Variants in SDCCAG8 observed in about 807,000 individuals in gnomAD.
The protein encoded by SDCCAG8 is SHH signaling and ciliogenesis regulator SDCCAG8, also known as serologically defined colon cancer antigen 8.
A neutral mutation model predicts 101.8 loss-of-function variants in SDCCAG8; 74 were observed. The observed-to-expected ratio is 0.73, with a 90% CI of 0.60 to 0.88. The LOEUF (loss-of-function observed/expected upper bound fraction) is 0.88. Ranked by LOEUF, SDCCAG8 falls within the 40% of genes least tolerant of loss-of-function variation. SDCCAG8 has a pLI of 0.00. For missense variants in SDCCAG8, 787 were observed against 822.6 expected (o/e 0.96, Z 0.53); for synonymous variants, 281 against 292.9 (o/e 0.96, Z 0.41).
In SDCCAG8 at chr1:243,496,431, AG is replaced by A. The variant is rs1242932067; in HGVS notation, c.2113-3321del. Among the ~76,000 whole-genome samples the A allele has an allele frequency of 2.0e-5, 3 of 152,144 alleles. No homozygotes were observed. In the East Asian group the frequency reaches 5.8e-4, roughly 29 times the overall value. The stretch of plus-strand genomic sequence containing the variant: ...AAATGCCCCAGATGGAGGTAGGGGG[AG>A]GGGCCTGCCCTCTCCAGTTACAAAT... On this transcript the variant is annotated intron_variant, in intron 17 of 17. Coordinates refer to ENST00000366541, the MANE Select transcript of SDCCAG8 (RefSeq NM_006642.5).
intron 8 of SDCCAG8, among the ~76,000 whole-genome samples, chr1:243,308,866 T>C (rs1558271491): frequency 6.6e-6 from 1 of 152,224 alleles, no homozygotes; most frequent in Non-Finnish European, 1.5e-5. Context: ...CAGTTTATAG[T>C]GTATGTTCTT....
chr1:243,489,106 G>A lies in SDCCAG8; in HGVS notation c.2078G>A (p.Ser693Asn), dbSNP rs1205844381. Reference protein sequence around the residue: ...KQNQLLLERQSLSEEVDRLRT... With the variant: ...KQNQLLLERQNLSEEVDRLRT... The stretch of plus-strand genomic sequence containing the variant: ...AACCAGCTTCTCCTGGAGAGGCAGA[G>A]CCTGTCGGAAGAGGTGGACCGGCTG... Residue 693 changes from serine (S) to asparagine (N), a missense_variant, in exon 17 of 18, where the codon AGC becomes AAC. Coordinates refer to ENST00000366541, the MANE Select transcript of SDCCAG8 (RefSeq NM_006642.5). The A allele has an allele frequency of 6.2e-7, 1 of 1,613,010 alleles. No individual in the cohort carries two copies. The highest frequency in any genetic ancestry group is 1.3e-5 in the African/African-American group (1 of 74,950).
At chr1:243,295,566 T>G (rs564084661) in intron 6 of SDCCAG8, among the ~76,000 whole-genome samples, 1 of 152,314 alleles carries the variant, frequency 6.6e-6, no homozygotes, top group African/African-American at 2.4e-5. Context: ...TTACAAATCT[T>G]ATCTGTAGGC....
intron 16 of SDCCAG8, among the ~76,000 whole-genome samples, chr1:243,443,621 C>T (rs1267951755): frequency 4.6e-5 from 7 of 152,124 alleles, no homozygotes; most frequent in Admixed American, 3.9e-4. Flanking sequence ...CTGGTATTGT[C>T]GGTCAGGAAA....
chr1:243,297,802 T>G (rs921045668), intron 6 of SDCCAG8, among the ~76,000 whole-genome samples: 2 of 152,180 alleles, frequency 1.3e-5, no homozygotes, highest in African/African-American at 4.8e-5. Flanking sequence ...CATATTTATT[T>G]GGGGAGTTCT....
intron 13 of SDCCAG8, among the ~76,000 whole-genome samples, chr1:243,414,101 A>G (rs531921631): frequency 2.6e-5 from 4 of 152,358 alleles, no homozygotes; most frequent in African/African-American, 7.2e-5. Flanking sequence ...AACAATAACT[A>G]AAGTGTGATA....
intron 16 of SDCCAG8, among the ~76,000 whole-genome samples, chr1:243,427,491 C>T (rs1350883846): frequency 1.3e-5 from 2 of 152,178 alleles, no homozygotes; most frequent in East Asian, 1.9e-4. Context: ...ACATGACAAC[C>T]GCATGCACGA....
At chr1:243,424,391 T>C (rs541613579) in intron 15 of SDCCAG8, among the ~76,000 whole-genome samples, 1 of 152,158 alleles carries the variant, frequency 6.6e-6, no homozygotes, top group African/African-American at 2.4e-5. Flanking sequence ...ATAAAATACA[T>C]ATCTATTTTA....
chr1:243,302,281 T>G (rs374949376), intron 6 of SDCCAG8, among the ~76,000 whole-genome samples: 1 of 152,026 alleles, frequency 6.6e-6, no homozygotes, highest in South Asian at 2.1e-4. Context: ...GGACGAAAAT[T>G]ATTTAGGAGA....
intron 6 of SDCCAG8, among the ~76,000 whole-genome samples, chr1:243,296,474 C>G (rs1301206077): frequency 1.3e-5 from 2 of 149,828 alleles, no homozygotes; most frequent in Admixed American, 6.7e-5. Context: ...TCTTTACCTC[C>G]TATTCTTGCT....
At chr1:243,343,957 T>C (rs2075539392) in intron 11 of SDCCAG8, among the ~76,000 whole-genome samples, 1 of 152,234 alleles carries the variant, frequency 6.6e-6, no homozygotes, top group Non-Finnish European at 1.5e-5. Context: ...TTATATAAAA[T>C]AATCTTGGGC....
At chr1:243,396,526 G>C (rs1036755223) in intron 13 of SDCCAG8, among the ~76,000 whole-genome samples, 2 of 152,106 alleles carry the variant, frequency 1.3e-5, no homozygotes, top group African/African-American at 4.8e-5. Flanking sequence ...AAGCCTTTCA[G>C]TGTAAAATTT....
chr1:243,461,608 C>T (rs1268205204), intron 16 of SDCCAG8, among the ~76,000 whole-genome samples: 1 of 152,184 alleles, frequency 6.6e-6, no homozygotes, highest in Non-Finnish European at 1.5e-5. Context: ...CACAGTCAGA[C>T]AGAGCTGAGC....
chr1:243,480,646 A>G (rs1574301635), intron 16 of SDCCAG8, among the ~76,000 whole-genome samples: 1 of 85,700 alleles, frequency 1.2e-5, no homozygotes, highest in Non-Finnish European at 2.3e-5. Flanking sequence ...GGTGTGATGG[A>G]TGGATGGATG....
intron 15 of SDCCAG8, among the ~76,000 whole-genome samples, chr1:243,421,764 A>G (rs1486588897): frequency 6.6e-6 from 1 of 152,228 alleles, no homozygotes; most frequent in Non-Finnish European, 1.5e-5. Context: ...GTTGAAGCTC[A>G]CATAAACTTT....
At chr1:243,313,236 A>T (rs2072922624) in intron 8 of SDCCAG8, among the ~76,000 whole-genome samples, 1 of 152,192 alleles carries the variant, frequency 6.6e-6, no homozygotes, top group African/African-American at 2.4e-5. Flanking sequence ...CTTTCTTTTT[A>T]AAAACGGTGT....
At chr1:243,399,787 G>A (rs1467062637) in intron 13 of SDCCAG8, among the ~76,000 whole-genome samples, 3 of 152,162 alleles carry the variant, frequency 2.0e-5, no homozygotes, top group South Asian at 2.1e-4. Context: ...TGGGATTGCA[G>A]GCATGAGCCA....
intron 12 of SDCCAG8, among the ~76,000 whole-genome samples, chr1:243,348,382 C>G (rs1469657044): frequency 3.3e-5 from 5 of 151,738 alleles, no homozygotes; most frequent in Admixed American, 3.3e-4. Flanking sequence ...CTGTCCAGCT[C>G]TAAGATGGCA....
chr1:243,340,888 T>C (rs2075344845), intron 10 of SDCCAG8, 151 bp from the exon 11 acceptor site: 2 of 760,898 alleles, frequency 2.6e-6, no homozygotes, highest in Non-Finnish European at 4.5e-6. Flanking sequence ...CATAGGTGAA[T>C]AGAGGAAGGA....
Sources: allele counts gnomAD v4.1 joint callset (sites outside exome capture counted in the v4.1 genomes callset), GRCh38; gene constraint gnomAD v4.1.1; transcripts MANE v1.5; gene names NCBI Gene and HGNC (gene_info 2026-07-23, HGNC 2026-07-21).